ZER1: variants seen among roughly 807,000 people sequenced by gnomAD.
ZER1 encodes zyg-11 related cell cycle regulator, also known as protein zer-1 homolog.
In ZER1, 11 loss-of-function variants were observed where a neutral mutation model predicts 78.8. That is an observed-to-expected ratio of 0.14 (90% CI 0.09 to 0.23). The LOEUF (loss-of-function observed/expected upper bound fraction) is 0.23, where lower values mean the gene tolerates loss of function less well. Ranked by LOEUF, ZER1 falls within the 10% of genes least tolerant of loss-of-function variation. The probability of loss-of-function intolerance (pLI) is 1.00; values close to 1 mark genes in which losing one functional copy is unlikely to be tolerated. For synonymous variants in ZER1, 400 were observed against 407.0 expected, an observed-to-expected ratio of 0.98 and a Z score of 0.21; for missense variants, 588 against 996.9, an observed-to-expected ratio of 0.59 and a Z score of 5.52.
In ZER1 at chr9:128,739,980, C is replaced by T. The variant is rs765959403; in HGVS notation, c.1993G>A (p.Ala665Thr). The T allele has an allele frequency of 1.9e-5, 30 of 1,613,792 alleles. No homozygotes were observed. The highest frequency in any genetic ancestry group is 3.3e-5 in the Admixed American group (2 of 59,994). Reference protein sequence around the residue: ...QREEVEERMWAAIQSWDINSR... With the variant: ...QREEVEERMWTAIQSWDINSR... ...TTTATGTCCCAGCTCTGGATGGCAG[C>T]CCACATGCGTTCCTCCACCTCCTCA... The change falls in exon 13 of 16, where the codon GCT becomes ACT. Residue 665 changes from alanine (A) to threonine (T), a missense_variant. Transcript: ENST00000291900.
rs1159441152 is a variant in ZER1, at chr9:128,734,141, A to AT, written c.2141-614_2141-613insA. ...AAACTCCGTCTCAAAAAAAAAAAAA[A>AT]AAAATATATATATATATATATAAAA... is the stretch of plus-strand genomic sequence containing the variant. On this transcript the variant is annotated intron_variant, in intron 14 of 15. Coordinates refer to ENST00000291900, the MANE Select transcript of ZER1 (RefSeq NM_006336.4). Among the ~76,000 whole-genome samples, 134 of 47,962 alleles carry AT rather than the reference A, an allele frequency of 2.8e-3. 25 individuals are homozygous for AT. The highest frequency in any genetic ancestry group is 8.5e-3 in the African/African-American group (124 of 14,578). 31.5% of individuals were successfully genotyped at this position (47,962 alleles called of 152,430 possible). A position where few individuals can be genotyped will look rare whatever the true frequency, so the allele number is the denominator to read the frequency against.
At chr9:128,752,629 G>T in intron 5 of ZER1, 44 bp downstream of exon 5, 1 of 1,568,764 alleles carries the variant, frequency 6.4e-7, no homozygotes, top group Admixed American at 1.9e-5. Flanking sequence ...CTAAATGCCT[G>T]TTGAATGACA....
rs966672500 is a variant in ZER1, at chr9:128,751,036, C to T, written c.1185+86G>A. ...CCTGGGGACAGGGTGCAGAAGGACACAGGCTCTGGGGACACGGCTCAGCCA... is the reference window on the plus strand; with the variant it reads ...CCTGGGGACAGGGTGCAGAAGGACATAGGCTCTGGGGACACGGCTCAGCCA... On this transcript the variant is annotated intron_variant, in intron 7 of 15. Transcript: ENST00000291900. This position sits in a 1 kb window ranked among gnomAD's most constrained non-coding sequence, Gnocchi z 5.4. The T allele has an allele frequency of 1.3e-5, 20 of 1,501,546 alleles. No individual in the cohort carries two copies. The Admixed American group carries it at 4.4e-4, about 33-fold the overall frequency. 93.0% of individuals were successfully genotyped at this position (1,501,546 alleles called of 1,614,324 possible). A position where few individuals can be genotyped will look rare whatever the true frequency, so the allele number is the denominator to read the frequency against.
Position 128,735,434 on chromosome 9 carries a change from G to C in ZER1, c.2043-3C>G. 6.2e-7 allele frequency: 1 copy of C among 1,613,262 alleles called. No individual in the cohort carries two copies. The highest frequency in any genetic ancestry group is 8.5e-7 in the Non-Finnish European group (1 of 1,179,530). The stretch of plus-strand genomic sequence containing the variant: ...GGCGGAGAATTGGTTCAAATGACCT[G>C]CAGGAAAAGAAATCAAGGTCACTGT... On this transcript the variant is annotated splice_polypyrimidine_tract_variant and splice_region_variant and intron_variant, in intron 13 of 15. Transcript: ENST00000291900.
In ZER1 at chr9:128,751,397, C is replaced by G. The variant is rs1316586018; in HGVS notation, c.1038+16G>C. The G allele has an allele frequency of 1.2e-6, 2 of 1,613,996 alleles. No individual in the cohort carries two copies. The highest frequency in any genetic ancestry group is 3.3e-5 in the Admixed American group (2 of 60,000). On this transcript the variant is annotated intron_variant, in intron 6 of 15. Transcript: ENST00000291900. This position sits in a 1 kb window ranked among gnomAD's most constrained non-coding sequence, Gnocchi z 5.4. The stretch of plus-strand genomic sequence containing the variant: ...AAGGCTCCCTGGCCCAGACCCATCC[C>G]ACTTCCACTGCTCACTTTGTAGGCT...
chr9:128,768,261 CA>C (rs1019914931), intron 1 of ZER1, among the ~76,000 whole-genome samples: 4 of 151,980 alleles, frequency 2.6e-5, no homozygotes, highest in African/African-American at 9.7e-5. Context: ...TGAAGCCAAG[CA>C]AAAAAACCAG....
chr9:128,734,321 C>T (rs1429473557), intron 14 of ZER1, among the ~76,000 whole-genome samples: 6 of 148,404 alleles, frequency 4.0e-5, no homozygotes, highest in Middle Eastern at 3.4e-3. Flanking sequence ...CTCAGCCTCC[C>T]TAGTAGCTGG....
Position 128,740,166 on chromosome 9 carries a change from T to C in ZER1, c.1854-47A>G. 6.6e-7 allele frequency: 1 copy of C among 1,526,536 alleles called. No homozygotes were observed. Among genetic ancestry groups the C allele is most frequent in the East Asian group, 2.4e-5 (1 of 41,126 alleles). The allele number at this position is 1,526,536 out of a possible 1,614,324, so 94.6% of individuals were successfully genotyped here. A position where few individuals can be genotyped will look rare whatever the true frequency, so the allele number is the denominator to read the frequency against. ...AATGGAGTCCCACTCCCCCAGTTTC[T>C]CTTCAGATACCAGCGGCAGGACCCC... On this transcript the variant is annotated intron_variant, in intron 12 of 15. Coordinates refer to ENST00000291900, the MANE Select transcript of ZER1 (RefSeq NM_006336.4). This position sits in a 1 kb window ranked among gnomAD's most constrained non-coding sequence, Gnocchi z 4.4.
Position 128,753,898 on chromosome 9 carries a change from A to T in ZER1, c.220T>A (p.Phe74Ile). Reference sequence around the variant, plus strand: ...AGGCGGGTGCTGCGGGGGTCCGAAAAGAGGCTGAAGAAGCTCTCGTGTGGC... The same window carrying T: ...AGGCGGGTGCTGCGGGGGTCCGAAATGAGGCTGAAGAAGCTCTCGTGTGGC... ...FEPHESFFSLFSDPRSTRLTR... is the reference protein window; with the variant it reads ...FEPHESFFSLISDPRSTRLTR... Residue 74 changes from phenylalanine (F) to isoleucine (I), a missense_variant, in exon 3 of 16, where the codon TTT (phenylalanine) becomes ATT (isoleucine). Physicochemically the swap from Phe to Ile is conservative, Grantham distance 21. This residue lies in a region of ZER1 where 406 missense variants were observed against 660.1 expected (regional missense o/e 0.62). Coordinates refer to ENST00000291900, the MANE Select transcript of ZER1 (RefSeq NM_006336.4). The surrounding 1 kb of genome is among the most constrained non-coding windows in gnomAD (Gnocchi z 7.5). 6.3e-7 allele frequency: 1 copy of T among 1,599,238 alleles called. No homozygotes were observed. Among genetic ancestry groups the T allele is most frequent in the Non-Finnish European group, 8.5e-7 (1 of 1,173,422 alleles).
In ZER1 at chr9:128,738,912, C is replaced by T. The variant is rs531396354; in HGVS notation, c.2042+1019G>A. On this transcript the variant is annotated intron_variant, in intron 13 of 15. Coordinates refer to ENST00000291900, the MANE Select transcript of ZER1 (RefSeq NM_006336.4). ...TGTTGCCCAGGCTGGAATGCAGTGG[C>T]GCCATCTCGGTTCACTGCAACCTCT... 1.3e-4 allele frequency among the ~76,000 whole-genome samples: 19 copies of T among 143,190 alleles called. No homozygotes were observed. The East Asian group carries it at 2.9e-3, about 22-fold the overall frequency. The allele number at this position is 143,190 out of a possible 152,430, so 93.9% of individuals were successfully genotyped here. A position where few individuals can be genotyped will look rare whatever the true frequency, so the allele number is the denominator to read the frequency against.
chr9:128,770,207 T>G (rs1291183966), intron 1 of ZER1, among the ~76,000 whole-genome samples: 2 of 152,118 alleles, frequency 1.3e-5, no homozygotes, highest in Non-Finnish European at 2.9e-5. Flanking sequence ...CACTGCAACC[T>G]CCACCTCTCA....
chr9:128,758,842 G>T (rs1413493964), intron 1 of ZER1, among the ~76,000 whole-genome samples: 1 of 152,188 alleles, frequency 6.6e-6, no homozygotes, highest in Admixed American at 6.5e-5. Context: ...GGTGGGAGAA[G>T]TGAGGACTGT....
At chr9:128,758,848 A>G (rs1863947491) in intron 1 of ZER1, among the ~76,000 whole-genome samples, 1 of 152,102 alleles carries the variant, frequency 6.6e-6, no homozygotes, top group African/African-American at 2.4e-5. Flanking sequence ...AGAAGTGAGG[A>G]CTGTGGTTAC....
In ZER1 at chr9:128,732,604, G is replaced by T. The variant is rs1167686741; in HGVS notation, c.2243+822C>A. On this transcript the variant is annotated intron_variant, in intron 15 of 15. Coordinates refer to ENST00000291900, the MANE Select transcript of ZER1 (RefSeq NM_006336.4). This position sits in a 1 kb window ranked among gnomAD's most constrained non-coding sequence, Gnocchi z 4.8. ...AGGTCTCGAACTCCTGACCTCAAGTGATGCACCCACCTCAGCCTCCCAAAG... is the reference window on the plus strand; with the variant it reads ...AGGTCTCGAACTCCTGACCTCAAGTTATGCACCCACCTCAGCCTCCCAAAG... Among the ~76,000 whole-genome samples the T allele has an allele frequency of 6.6e-6, 1 of 152,146 alleles. No homozygotes were observed. The highest frequency in any genetic ancestry group is 2.4e-5 in the African/African-American group (1 of 41,432).
intron 1 of ZER1, among the ~76,000 whole-genome samples, chr9:128,771,119 C>T (rs1864369878): frequency 1.3e-5 from 2 of 152,234 alleles, no homozygotes; most frequent in South Asian, 2.1e-4. Flanking sequence ...ACCCAGAGAG[C>T]TATAGTGGCC....
chr9:128,751,442 A>C lies in ZER1; in HGVS notation c.1009T>G (p.Cys337Gly), dbSNP rs777117339. 1.9e-6 allele frequency: 3 copies of C among 1,613,986 alleles called. No homozygotes were observed. The highest frequency in any genetic ancestry group is 2.5e-6 in the Non-Finnish European group (3 of 1,180,012). ...QFLGLFENSLCRLTHIPAYKV... is the reference protein window; with the variant it reads ...QFLGLFENSLGRLTHIPAYKV... ...TAGGCTGGAATGTGCGTGAGGCGGC[A>C]CAGAGAGTTCTCAAAGAGCCCGAGG... Residue 337 changes from cysteine to glycine, a missense_variant, in exon 6 of 16, where the codon TGC becomes GGC. Around this residue, in one of 3 missense-constraint regions of ZER1, gnomAD observed 406 missense variants for 660.1 expected, o/e 0.62. Transcript: ENST00000291900. The surrounding 1 kb of genome is among the most constrained non-coding windows in gnomAD (Gnocchi z 5.4).
In ZER1 at chr9:128,751,212, C is replaced by G. The variant is rs914269523; in HGVS notation, c.1095G>C (p.Glu365Asp). The G allele has an allele frequency of 1.9e-6, 3 of 1,609,398 alleles. No individual in the cohort carries two copies. Among genetic ancestry groups the G allele is most frequent in the African/African-American group, 2.7e-5 (2 of 74,982 alleles). ...CCCGCGAGGTGATCTCAGGCCGGTG[C>G]TCCGTGTAGGCCTCGATGGCATTCA... is the stretch of plus-strand genomic sequence containing the variant. The part of the protein sequence containing the change: ...QVLNAIEAYT[E>D]HRPEITSRAI... Residue 365 changes from glutamate (E) to aspartate (D), a missense_variant, in exon 7 of 16, where the codon GAG (glutamate) becomes GAC (aspartate). By Grantham distance (45) the Glu-to-Asp change is conservative. Around this residue, in one of 3 missense-constraint regions of ZER1, gnomAD observed 406 missense variants for 660.1 expected, o/e 0.62. Transcript: ENST00000291900. The surrounding 1 kb of genome is among the most constrained non-coding windows in gnomAD (Gnocchi z 5.4).
In ZER1 at chr9:128,735,760, G is replaced by GTTTTTTTTTTTTTTTTTTTTTTTT. The variant is rs779646793; in HGVS notation, c.2043-330_2043-329insAAAAAAAAAAAAAAAAAAAAAAAA. 4.9e-4 allele frequency among the ~76,000 whole-genome samples: 8 copies of GTTTTTTTTTTTTTTTTTTTTTTTT among 16,176 alleles called. 4 individuals carry two copies. Among genetic ancestry groups the GTTTTTTTTTTTTTTTTTTTTTTTT allele is most frequent in the African/African-American group, 3.3e-4 (2 of 6,048 alleles). The allele number at this position is 16,176 out of a possible 152,430, so 10.6% of individuals were successfully genotyped here. A position where few individuals can be genotyped will look rare whatever the true frequency, so the allele number is the denominator to read the frequency against. ...CTGGGAACAGAAGCACGTGTGACCT[G>GTTTTTTTTTTTTTTTTTTTTTTTT]GTTTTTTTTTTTTTTTTTTTTTTTT... is the stretch of plus-strand genomic sequence containing the variant. On this transcript the variant is annotated intron_variant, in intron 13 of 15. Transcript: ENST00000291900.
chr9:128,735,781 TTTTTTTTTTTTTGTGAGACGGAG>T (rs1863054119), intron 13 of ZER1, among the ~76,000 whole-genome samples: 3 of 136,216 alleles, frequency 2.2e-5, no homozygotes, highest in African/African-American at 8.4e-5. Flanking sequence ...TTTTTTTTTT[TTTTTTTTTTTTTGTGAGACGGAG>T]TTTCGCTCTG....
Sources: gnomAD v4.1 joint callset for allele counts (sites outside exome capture counted in the v4.1 genomes callset) on GRCh38, gnomAD v4.1.1 for gene constraint, gnomAD v4.1.1 regional missense constraint, Gnocchi (gnomAD v3.1) non-coding constraint, MANE v1.5 for transcripts, NCBI Gene and HGNC (gene_info 2026-07-23, HGNC 2026-07-21) for gene names.